The following RGS5 variants were observed in gnomAD, a reference collection of about 807,000 sequenced individuals.
The protein encoded by RGS5 is regulator of G protein signaling 5, also known as regulator of G-protein signalling 5.
RGS5 carries 20 observed loss-of-function variants against 18.9 expected under a neutral mutation model. The ratio of observed to expected loss-of-function variants is 1.06; its 90% CI spans 0.74 to 1.54. The LOEUF (loss-of-function observed/expected upper bound fraction) is 1.54. Ranked by LOEUF, RGS5 falls within the 40% of genes most tolerant of loss-of-function variation. The probability of loss-of-function intolerance (pLI) is 0.00; values close to 1 mark genes in which losing one functional copy is unlikely to be tolerated. For missense variants in RGS5, 201 were observed against 211.8 expected (o/e 0.95, Z 0.32); for synonymous variants, 57 against 76.2 (o/e 0.75, Z 1.31).
chr1:163,229,613 A>G (rs775078144), intron 2 of RGS5, among the ~76,000 whole-genome samples: 1 of 152,090 alleles, frequency 6.6e-6, no homozygotes, highest in Non-Finnish European at 1.5e-5. Context: ...TCCTCACCAC[A>G]TTGGTTTCTT....
At chr1:163,232,173 T>C (rs1057153807) in intron 2 of RGS5, among the ~76,000 whole-genome samples, 1 of 152,156 alleles carries the variant, frequency 6.6e-6, no homozygotes, top group Admixed American at 6.5e-5. Context: ...GATATAGCAC[T>C]CTAATTCTTT....
intron 2 of RGS5, among the ~76,000 whole-genome samples, chr1:163,266,096 C>G (rs1648565970): frequency 6.6e-6 from 1 of 151,952 alleles, no homozygotes; most frequent in Admixed American, 6.6e-5. Flanking sequence ...GAACTAATCT[C>G]CTACAGCACT....
At chr1:163,258,984 A>T (rs1451324227) in intron 2 of RGS5, among the ~76,000 whole-genome samples, 1 of 151,128 alleles carries the variant, frequency 6.6e-6, no homozygotes, top group African/African-American at 2.4e-5. Flanking sequence ...GCCAAAATGA[A>T]TATTTTAAGA....
chr1:163,213,452 T>G (rs766503997), intron 1 of RGS5, among the ~76,000 whole-genome samples: 2 of 152,182 alleles, frequency 1.3e-5, no homozygotes, highest in Non-Finnish European at 2.9e-5. Context: ...CTCTCCATTC[T>G]TTCTGAGTGT....
At chr1:163,240,890 G>T (rs923394102) in intron 2 of RGS5, among the ~76,000 whole-genome samples, 1 of 152,084 alleles carries the variant, frequency 6.6e-6, no homozygotes, top group Non-Finnish European at 1.5e-5. Flanking sequence ...ATGTATCTAA[G>T]GCGTGTGATG....
intron 2 of RGS5, among the ~76,000 whole-genome samples, chr1:163,251,861 T>C (rs1312484327): frequency 1.3e-5 from 2 of 152,190 alleles, no homozygotes; most frequent in Non-Finnish European, 2.9e-5. Flanking sequence ...TTGACTCATT[T>C]TCTGTGCTAT....
intron 1 of RGS5, among the ~76,000 whole-genome samples, chr1:163,186,259 C>T (rs907294905): frequency 2.6e-5 from 4 of 151,654 alleles, no homozygotes; most frequent in Non-Finnish European, 4.4e-5. Flanking sequence ...TTAGTAGAGA[C>T]GGGGTTTCAC....
chr1:163,264,345 C>T (rs953579128), intron 2 of RGS5, among the ~76,000 whole-genome samples: 1 of 152,148 alleles, frequency 6.6e-6, no homozygotes, highest in Non-Finnish European at 1.5e-5. Flanking sequence ...ATCTCAGTTT[C>T]CTTATCTATA....
At chr1:163,234,886 C>G (rs1037702851) in intron 2 of RGS5, among the ~76,000 whole-genome samples, 3 of 152,168 alleles carry the variant, frequency 2.0e-5, no homozygotes, top group African/African-American at 7.2e-5. Context: ...GCCTTTTTCT[C>G]CATGTTTTCT....
intron 2 of RGS5, among the ~76,000 whole-genome samples, chr1:163,245,946 T>G (rs1281636603): frequency 6.6e-6 from 1 of 152,236 alleles, no homozygotes; most frequent in Non-Finnish European, 1.5e-5. Context: ...CCGGGGGCTG[T>G]GGCTCACGCC....
intron 2 of RGS5, among the ~76,000 whole-genome samples, chr1:163,246,589 AAAAACAAAAC>A: frequency 6.6e-6 from 1 of 152,238 alleles, no homozygotes; most frequent in East Asian, 1.9e-4. Context: ...AAAACAAAAC[AAAAACAAAAC>A]AAAACAAAAC....
chr1:163,150,574 G>A (rs1200616318), intron 4 of RGS5, among the ~76,000 whole-genome samples: 1 of 152,206 alleles, frequency 6.6e-6, no homozygotes, highest in East Asian at 1.9e-4. Context: ...GGTAACAGAA[G>A]TAGGGTAGAG....
chr1:163,311,002 G>A (rs975039653), intron 1 of RGS5, among the ~76,000 whole-genome samples: 3 of 152,078 alleles, frequency 2.0e-5, no homozygotes, highest in Non-Finnish European at 4.4e-5. Context: ...ACAGAAGGGG[G>A]GAAATCACCC....
intron 1 of RGS5, among the ~76,000 whole-genome samples, chr1:163,185,191 C>G (rs1386093529): frequency 6.6e-6 from 1 of 151,984 alleles, no homozygotes; most frequent in African/African-American, 2.4e-5. Flanking sequence ...AGACAGGGTC[C>G]TATAGTCTTT....
At chr1:163,181,428 A>C (rs1460038688) in intron 1 of RGS5, among the ~76,000 whole-genome samples, 1 of 152,178 alleles carries the variant, frequency 6.6e-6, no homozygotes, top group South Asian at 2.1e-4. Flanking sequence ...TATCTACTAT[A>C]AAATTACAAA....
intron 3 of RGS5, among the ~76,000 whole-genome samples, chr1:163,152,952 A>G (rs1657435105): frequency 8.4e-6 from 1 of 118,788 alleles, no homozygotes; most frequent in South Asian, 3.6e-4. Context: ...AGCTGTATGG[A>G]ACTCTAGAAC....
At chr1:163,203,353 G>A (rs1659853894), upstream of RGS5, among the ~76,000 whole-genome samples, 1 of 152,168 alleles carries the variant, frequency 6.6e-6, no homozygotes, top group Non-Finnish European at 1.5e-5. Flanking sequence ...TTCAAGGAAT[G>A]TGTATGTGAA....
intron 2 of RGS5, chr1:163,248,660 T>A (rs1371417829): frequency 6.6e-6 from 1 of 152,152 alleles, no homozygotes; most frequent in African/African-American, 2.4e-5. Context: ...CACTGGTGCT[T>A]CTTTTGGGTG....
intron 2 of RGS5, among the ~76,000 whole-genome samples, chr1:163,292,568 C>T (rs954861678): frequency 6.6e-6 from 1 of 152,070 alleles, no homozygotes; most frequent in Non-Finnish European, 1.5e-5. Flanking sequence ...GGTATTTATG[C>T]CTCTAGGTCT....
Sources: allele counts gnomAD v4.1 joint callset (sites outside exome capture counted in the v4.1 genomes callset), GRCh38; gene constraint gnomAD v4.1.1; transcripts MANE v1.5; gene names NCBI Gene and HGNC (gene_info 2026-07-23, HGNC 2026-07-21).